Variants in WWOX observed in about 807,000 individuals in gnomAD.
The protein encoded by WWOX is WW domain-containing oxidoreductase.
WWOX carries 69 observed loss-of-function variants against 46.2 expected under a neutral mutation model. The ratio of observed to expected loss-of-function variants is 1.49; its 90% CI spans 1.23 to 1.82. The LOEUF (loss-of-function observed/expected upper bound fraction) is 1.82, where lower values mean the gene tolerates loss of function less well. Ranked by LOEUF, WWOX falls within the 40% of genes most tolerant of loss-of-function variation. The pLI, the probability that WWOX is intolerant of heterozygous loss-of-function variation, is 0.00. For missense variants in WWOX, 919 were observed against 542.6 expected (o/e 1.69, Z -6.89); for synonymous variants, 359 against 202.6 (o/e 1.77, Z -6.56).
At chr16:78,744,253 G>A (rs1037424557) in intron 8 of WWOX, among the ~76,000 whole-genome samples, 2 of 152,082 alleles carry the variant, frequency 1.3e-5, no homozygotes, top group Non-Finnish European at 2.9e-5. Context: ...ATAGTAAGCT[G>A]AAGGCACAGG....
At chr16:78,115,295 A>G in intron 4 of WWOX, 141 bp downstream of exon 4, 1 of 1,030,710 alleles carries the variant, frequency 9.7e-7, no homozygotes, top group Non-Finnish European at 1.5e-6. Context: ...CATTAACATC[A>G]CTACCTCTTT....
intron 8 of WWOX, among the ~76,000 whole-genome samples, chr16:78,626,895 T>C (rs2046323324): frequency 6.6e-6 from 1 of 152,228 alleles, no homozygotes; most frequent in South Asian, 2.1e-4. Context: ...GCTTAAATTT[T>C]TCCAGATGGA....
intron 8 of WWOX, among the ~76,000 whole-genome samples, chr16:79,125,922 A>T (rs916600557): frequency 6.6e-6 from 1 of 152,192 alleles, no homozygotes; most frequent in Non-Finnish European, 1.5e-5. Context: ...CTTCTCCAGG[A>T]GACTGTCATC....
intron 8 of WWOX, among the ~76,000 whole-genome samples, chr16:78,701,141 A>G (rs2048207500): frequency 6.6e-6 from 1 of 152,202 alleles, no homozygotes; most frequent in African/African-American, 2.4e-5. Context: ...AGAATGAAAT[A>G]ATGATACATA....
At position 78,323,327 on chromosome 16, in the gene WWOX, G is replaced by A. The variant is rs539525080; in HGVS notation, c.517-63533G>A. 4.6e-5 allele frequency among the ~76,000 whole-genome samples: 7 copies of A among 152,146 alleles called. No homozygotes were observed. The East Asian group carries it at 1.4e-3, about 29-fold the overall frequency. ...TCACCATGTTAGCCAGGATGGTCTC[G>A]ATCTCCTGACCTCATGATCTGTCAG... On this transcript the variant is annotated intron_variant, in intron 5 of 8. Transcript: ENST00000566780.
chr16:79,114,289 C>G (rs1025574508), intron 8 of WWOX, among the ~76,000 whole-genome samples: 24 of 151,880 alleles, frequency 1.6e-4, no homozygotes, highest in African/African-American at 5.3e-4. Context: ...AATGTGAGAT[C>G]TGGCTGGATT....
intron 8 of WWOX, among the ~76,000 whole-genome samples, chr16:78,449,806 C>T (rs930842344): frequency 6.6e-6 from 1 of 152,060 alleles, no homozygotes; most frequent in Non-Finnish European, 1.5e-5. Context: ...AGAAGGGGCC[C>T]TTGTTAATCG....
intron 8 of WWOX, among the ~76,000 whole-genome samples, chr16:78,851,617 A>T (rs1243342084): frequency 6.6e-6 from 1 of 152,194 alleles, no homozygotes; most frequent in African/African-American, 2.4e-5. Context: ...ACTTTGTCCA[A>T]CCTAGGACAG....
intron 8 of WWOX, among the ~76,000 whole-genome samples, chr16:78,605,669 C>T (rs999298949): frequency 1.3e-5 from 2 of 152,178 alleles, no homozygotes; most frequent in Non-Finnish European, 2.9e-5. Context: ...ACAACTCCGC[C>T]TCTCGTGCTT....
intron 7 of WWOX, among the ~76,000 whole-genome samples, chr16:78,428,992 A>T (rs920259748): frequency 6.6e-6 from 1 of 152,180 alleles, no homozygotes; most frequent in Non-Finnish European, 1.5e-5. Flanking sequence ...TCATCATGGG[A>T]TTTGTGTTCC....
chr16:78,737,177 A>G (rs554303004), intron 8 of WWOX, among the ~76,000 whole-genome samples: 22 of 151,604 alleles, frequency 1.5e-4, no homozygotes, highest in Non-Finnish European at 2.9e-4. Flanking sequence ...TCGGCTCACT[A>G]CAGCTTCCAC....
chr16:78,480,308 A>C (rs149044517), intron 8 of WWOX, among the ~76,000 whole-genome samples: 1 of 152,240 alleles, frequency 6.6e-6, no homozygotes, highest in Non-Finnish European at 1.5e-5. Context: ...TTAAAGCATT[A>C]GTCCCCAAAG....
chr16:78,887,242 G>C (rs2044483929), intron 8 of WWOX, among the ~76,000 whole-genome samples: 1 of 151,820 alleles, frequency 6.6e-6, no homozygotes, highest in Non-Finnish European at 1.5e-5. Flanking sequence ...CCATTGTCAT[G>C]ACTGTAAAAT....
chr16:78,465,980 C>T (rs186303986), intron 8 of WWOX, among the ~76,000 whole-genome samples: 59 of 151,908 alleles, frequency 3.9e-4, no homozygotes, highest in African/African-American at 1.4e-3. Flanking sequence ...TCTGGGGCGG[C>T]GGGGAGTATG....
intron 8 of WWOX, among the ~76,000 whole-genome samples, chr16:78,686,051 G>A (rs1194404897): frequency 1.3e-5 from 2 of 152,094 alleles, no homozygotes; most frequent in East Asian, 3.9e-4. Flanking sequence ...GAGATAAAAG[G>A]AAAAGAAAGT....
At chr16:78,118,279 A>C (rs1467482888) in intron 4 of WWOX, among the ~76,000 whole-genome samples, 1 of 152,058 alleles carries the variant, frequency 6.6e-6, no homozygotes, top group East Asian at 1.9e-4. Context: ...TTACTAAGGC[A>C]ATTGGAGGGA....
At chr16:78,535,225 C>G (rs937694322) in intron 8 of WWOX, 13 of 152,182 alleles carry the variant, frequency 8.5e-5, no homozygotes, top group African/African-American at 2.9e-4. Flanking sequence ...GATAAGATCA[C>G]CTGCTAATTC....
At chr16:78,692,790 C>G (rs1458341841) in intron 8 of WWOX, among the ~76,000 whole-genome samples, 2 of 152,094 alleles carry the variant, frequency 1.3e-5, no homozygotes, top group African/African-American at 2.4e-5. Flanking sequence ...GGTACTGATA[C>G]CAGAGTTCAT....
At chr16:78,306,860 C>A (rs2080143838) in intron 5 of WWOX, among the ~76,000 whole-genome samples, 1 of 152,000 alleles carries the variant, frequency 6.6e-6, no homozygotes, top group Non-Finnish European at 1.5e-5. Context: ...CCACTGAGCC[C>A]CACTCCTTCC....
Sources: gnomAD v4.1 joint callset for allele counts (sites outside exome capture counted in the v4.1 genomes callset) on GRCh38, gnomAD v4.1.1 for gene constraint, MANE v1.5 for transcripts, NCBI Gene and HGNC (gene_info 2026-07-23, HGNC 2026-07-21) for gene names.